Variants in TMEFF1 observed in about 807,000 individuals in gnomAD.
The protein encoded by TMEFF1 is tomoregulin-1.
A neutral mutation model predicts 47.5 loss-of-function variants in TMEFF1; 20 were observed. The ratio of observed to expected loss-of-function variants is 0.42; its 90% CI spans 0.30 to 0.61. The LOEUF is 0.61. Among genes scored for constraint, TMEFF1 ranks in the 20% least tolerant of loss-of-function variants. The pLI, the probability that TMEFF1 is intolerant of heterozygous loss-of-function variation, is 0.19. For synonymous variants in TMEFF1, 162 were observed against 166.3 expected (o/e 0.97, Z 0.20); for missense variants, 411 against 471.1 (o/e 0.87, Z 1.18).
rs369558308 is a variant in TMEFF1 at position 100,559,793 on chromosome 9, A to G, written c.776-1604A>G. Among the ~76,000 whole-genome samples the G allele has an allele frequency of 3.3e-5, 5 of 152,278 alleles. No homozygotes were observed. In the East Asian group the frequency reaches 5.8e-4, roughly 18 times the overall value. ...AAGACATTTTTTAAATTGAGAATTT[A>G]TATGTTAGGTTCCCTGACTTTTAGG... On this transcript the variant is annotated intron_variant, in intron 7 of 9. Coordinates refer to ENST00000374879, the MANE Select transcript of TMEFF1 (RefSeq NM_003692.5).
intron 8 of TMEFF1, among the ~76,000 whole-genome samples, chr9:100,562,386 G>C (rs1315180368): frequency 1.3e-5 from 2 of 151,390 alleles, no homozygotes; most frequent in African/African-American, 4.9e-5. Context: ...CAGTCTCTTG[G>C]GTCCTTCTAC....
Position 100,572,689 on chromosome 9 carries a change from G to A in TMEFF1, c.1058+13G>A. ...TGTGCATAACAAGGTAGGTAATGAT[G>A]TAAGAAATATCAACTTTAAATTAGA... On this transcript the variant is annotated intron_variant, in intron 9 of 9. Transcript: ENST00000374879. The A allele has an allele frequency of 6.3e-7, 1 of 1,588,842 alleles. No homozygotes were observed. Among genetic ancestry groups the A allele is most frequent in the South Asian group, 1.2e-5 (1 of 86,724 alleles).
intron 7 of TMEFF1, among the ~76,000 whole-genome samples, chr9:100,552,826 C>T (rs376712320): frequency 5.5e-4 from 81 of 147,976 alleles, no homozygotes; most frequent in African/African-American, 2.0e-3. Flanking sequence ...CGCACCACTA[C>T]ACTTAAGCCT....
chr9:100,509,696 C>G (rs961984423), intron 3 of TMEFF1, among the ~76,000 whole-genome samples: 5 of 151,824 alleles, frequency 3.3e-5, no homozygotes, highest in African/African-American at 1.2e-4. Flanking sequence ...ATGGCGTGAA[C>G]CCAGGAGGTG....
chr9:100,538,862 T>C (rs1036998720), intron 5 of TMEFF1, among the ~76,000 whole-genome samples: 2 of 152,222 alleles, frequency 1.3e-5, no homozygotes, highest in Non-Finnish European at 2.9e-5. Context: ...TGAATAATAC[T>C]GCTGTGAATA....
At chr9:100,483,752 G>A (rs1837387463) in intron 1 of TMEFF1, among the ~76,000 whole-genome samples, 1 of 151,152 alleles carries the variant, frequency 6.6e-6, no homozygotes. Flanking sequence ...CTCTCTTTGT[G>A]TATCTACTCT....
At chr9:100,530,888 A>G (rs1838363365) in intron 5 of TMEFF1, among the ~76,000 whole-genome samples, 1 of 152,144 alleles carries the variant, frequency 6.6e-6, no homozygotes, top group African/African-American at 2.4e-5. Flanking sequence ...CTTATCCACC[A>G]TGGTCAAGTG....
In TMEFF1 at chr9:100,576,821, A is replaced by T; in HGVS notation, c.*221A>T. On this transcript the variant is annotated 3_prime_UTR_variant, in exon 10 of 10. Coordinates refer to ENST00000374879, the MANE Select transcript of TMEFF1 (RefSeq NM_003692.5). ...AATTGCTTTCACAAATTTGTACCAC[A>T]TGGTAATTCTAAGACTTGTTCTTTA... 2.3e-6 allele frequency: 1 copy of T among 442,390 alleles called. No individual in the cohort carries two copies. The highest frequency in any genetic ancestry group is 4.8e-5 in the South Asian group (1 of 20,914). 27.4% of individuals were successfully genotyped at this position (442,390 alleles called of 1,614,324 possible).
At chr9:100,558,342 C>T (rs1035631960) in intron 7 of TMEFF1, among the ~76,000 whole-genome samples, 1 of 152,026 alleles carries the variant, frequency 6.6e-6, no homozygotes, top group Non-Finnish European at 1.5e-5. Flanking sequence ...CATTGTTATA[C>T]CCTTTCATGA....
chr9:100,513,276 G>A, intron 3 of TMEFF1, 31 bp from the exon 4 acceptor site: 3 of 1,579,664 alleles, frequency 1.9e-6, no homozygotes, highest in African/African-American at 1.4e-5. Context: ...CGGGAAAAAT[G>A]TTCATATTCA....
intron 5 of TMEFF1, among the ~76,000 whole-genome samples, chr9:100,532,676 G>T (rs1014275863): frequency 2.6e-5 from 4 of 151,646 alleles, no homozygotes; most frequent in Admixed American, 2.6e-4. Flanking sequence ...GGAAGTCAGT[G>T]TGGCGATTCC....
Position 100,561,672 on chromosome 9 carries a change from A to G in TMEFF1, c.899+152A>G, listed in dbSNP as rs1587856551. On this transcript the variant is annotated intron_variant, in intron 8 of 9. Transcript: ENST00000374879. ...AAAACAAATCAGCAGCATCATTTGG[A>G]AAAAAAAACTGGCAAGTAATATGCA... is the stretch of plus-strand genomic sequence containing the variant. 1.9e-5 allele frequency: 24 copies of G among 1,257,674 alleles called. No individual in the cohort carries two copies. In the East Asian group the frequency reaches 4.8e-4, roughly 25 times the overall value. 77.9% of individuals were successfully genotyped at this position (1,257,674 alleles called of 1,614,324 possible). A position where few individuals can be genotyped will look rare whatever the true frequency, so the allele number is the denominator to read the frequency against.
intron 1 of TMEFF1, among the ~76,000 whole-genome samples, chr9:100,496,062 T>G (rs1156718933): frequency 6.6e-6 from 1 of 152,236 alleles, no homozygotes; most frequent in East Asian, 1.9e-4. Flanking sequence ...ATGTATTATG[T>G]CTTGTGTGAG....
intron 6 of TMEFF1, among the ~76,000 whole-genome samples, chr9:100,548,836 G>C (rs1005699553): frequency 2.6e-5 from 4 of 152,134 alleles, no homozygotes; most frequent in African/African-American, 9.7e-5. Flanking sequence ...TTTTAGGTAG[G>C]AGTTGAGTGT....
intron 5 of TMEFF1, among the ~76,000 whole-genome samples, chr9:100,547,230 G>A (rs1247593202): frequency 6.6e-6 from 1 of 151,968 alleles, no homozygotes; most frequent in African/African-American, 2.4e-5. Flanking sequence ...TTCCTAGGCT[G>A]GTCTCAAACT....
intron 5 of TMEFF1, among the ~76,000 whole-genome samples, chr9:100,543,701 T>TAA (rs1412015889): frequency 5.0e-4 from 54 of 108,044 alleles, no homozygotes; most frequent in African/African-American, 9.7e-4. Flanking sequence ...GCTGATGAAG[T>TAA]AAAACACACA....
At chr9:100,536,153 C>T (rs764398108) in intron 5 of TMEFF1, among the ~76,000 whole-genome samples, 288 of 152,166 alleles carry the variant, frequency 1.9e-3, no homozygotes, top group Non-Finnish European at 3.4e-3. Flanking sequence ...GTGCTAGAAG[C>T]GTGTCATTTA....
chr9:100,534,531 A>G (rs1441071925), intron 5 of TMEFF1, among the ~76,000 whole-genome samples: 1 of 152,212 alleles, frequency 6.6e-6, no homozygotes, highest in East Asian at 1.9e-4. Flanking sequence ...GTCTGCAAAC[A>G]GCTGTAATCA....
chr9:100,552,344 T>C (rs2118522468), intron 7 of TMEFF1, among the ~76,000 whole-genome samples: 1 of 152,294 alleles, frequency 6.6e-6, no homozygotes, highest in South Asian at 2.1e-4. Flanking sequence ...ACATCTTAGA[T>C]ATGAGAGATA....
Sources: gnomAD v4.1 joint callset for allele counts (sites outside exome capture counted in the v4.1 genomes callset) on GRCh38, gnomAD v4.1.1 for gene constraint, MANE v1.5 for transcripts, NCBI Gene and HGNC (gene_info 2026-07-23, HGNC 2026-07-21) for gene names.